The following DNM1L variants were observed in gnomAD, a reference collection of about 807,000 sequenced individuals.
The protein encoded by DNM1L is dynamin-1-like protein.
In DNM1L, 33 loss-of-function variants were observed where a neutral mutation model predicts 92.8. The ratio of observed to expected loss-of-function variants is 0.36; its 90% CI spans 0.27 to 0.48. The LOEUF (loss-of-function observed/expected upper bound fraction) is 0.48. DNM1L is among the 20% of genes least tolerant of loss of function. DNM1L has a pLI of 0.99. For synonymous variants in DNM1L, 284 were observed against 305.0 expected (o/e 0.93, Z 0.72); for missense variants, 485 against 888.8 (o/e 0.55, Z 5.78).
intron 2 of DNM1L, chr12:32,705,931 T>C: frequency 7.1e-7 from 1 of 1,402,088 alleles, no homozygotes; most frequent in Non-Finnish European, 9.7e-7. Context: ...TATGTACTAT[T>C]ACAGGCTGTG....
chr12:32,691,028 A>C (rs1218887442), intron 1 of DNM1L, among the ~76,000 whole-genome samples: 1 of 152,226 alleles, frequency 6.6e-6, no homozygotes, highest in Non-Finnish European at 1.5e-5. Flanking sequence ...AAAATGTCAC[A>C]GACTGGGTAG....
chr12:32,686,236 A>G (rs1952008531), intron 1 of DNM1L, among the ~76,000 whole-genome samples: 1 of 151,904 alleles, frequency 6.6e-6, no homozygotes, highest in South Asian at 2.1e-4. Context: ...TAGTAGAGAC[A>G]GGGTTTCTCC....
intron 18 of DNM1L, among the ~76,000 whole-genome samples, chr12:32,742,111 G>GTT (rs1473399438): frequency 2.0e-5 from 3 of 146,462 alleles, no homozygotes; most frequent in African/African-American, 2.5e-5. Context: ...TGTTGCTTTT[G>GTT]TTTTTTTTTT....
chr12:32,682,732 T>G (rs1344771191), intron 1 of DNM1L, among the ~76,000 whole-genome samples: 1 of 152,192 alleles, frequency 6.6e-6, no homozygotes, highest in East Asian at 1.9e-4. Flanking sequence ...TGTTTTAAAC[T>G]TTGGTTTTAT....
intron 1 of DNM1L, among the ~76,000 whole-genome samples, chr12:32,682,946 G>A (rs1362488577): frequency 6.6e-6 from 1 of 152,190 alleles, no homozygotes; most frequent in Non-Finnish European, 1.5e-5. Flanking sequence ...TTAGACCATG[G>A]TGTAACTTTG....
chr12:32,726,768 C>T, intron 9 of DNM1L: 1 of 616,242 alleles, frequency 1.6e-6, no homozygotes. Context: ...TCCTTTTTTC[C>T]AATCTATCTG....
intron 1 of DNM1L, among the ~76,000 whole-genome samples, chr12:32,699,354 T>G (rs1952605023): frequency 6.6e-6 from 1 of 152,162 alleles, no homozygotes; most frequent in Non-Finnish European, 1.5e-5. Context: ...TTGAAATACT[T>G]ATTATGGATA....
At chr12:32,706,766 A>G (rs745621976) in intron 2 of DNM1L, 1 of 450,628 alleles carries the variant, frequency 2.2e-6, no homozygotes, top group South Asian at 1.6e-5. Context: ...AGCTAGCTCT[A>G]TAATAATGAG....
At chr12:32,679,681 G>A (rs1469387492) in intron 1 of DNM1L, 2 of 1,253,758 alleles carry the variant, frequency 1.6e-6, no homozygotes, top group Non-Finnish European at 2.0e-6. Context: ...CCGGGGCCCG[G>A]CCAGGGGCGG....
chr12:32,712,027 C>CA (rs1953143539), intron 5 of DNM1L, among the ~76,000 whole-genome samples: 2 of 152,290 alleles, frequency 1.3e-5, no homozygotes, highest in Admixed American at 1.3e-4. Flanking sequence ...ATCCAGAACT[C>CA]AATCGTGTTT....
Position 32,713,369 on chromosome 12 carries a change from A to G in DNM1L, c.617A>G (p.Asp206Gly), listed in dbSNP as rs1462914389. ...ALKISREVDP[D>G]GRRTLAVITK... ...AAAATTTCAAGAGAGGTAGATCCAGATGGTAAGGACAGATGTTAATTTAAT... is the reference window on the plus strand; with the variant it reads ...AAAATTTCAAGAGAGGTAGATCCAGGTGGTAAGGACAGATGTTAATTTAAT... The change falls in exon 6 of 20, where the codon GAT (aspartate) becomes GGT (glycine). Residue 206 changes from aspartate (D) to glycine (G), a missense_variant and splice_region_variant. Physicochemically the swap from Asp to Gly is moderately conservative, Grantham distance 94. This residue lies in a region of DNM1L where 159 missense variants were observed against 275.9 expected (regional missense o/e 0.58). Transcript: ENST00000549701. 1.2e-6 allele frequency: 2 copies of G among 1,613,758 alleles called. No homozygotes were observed. Among genetic ancestry groups the G allele is most frequent in the African/African-American group, 1.3e-5 (1 of 74,896 alleles).
intron 16 of DNM1L, among the ~76,000 whole-genome samples, chr12:32,738,674 C>T (rs1955076642): frequency 1.3e-5 from 2 of 152,046 alleles, no homozygotes; most frequent in Non-Finnish European, 2.9e-5. Context: ...AGTTAGTTTG[C>T]ACTTGTTACC....
At chr12:32,736,765 C>T (rs1954910990) in intron 13 of DNM1L, among the ~76,000 whole-genome samples, 1 of 152,126 alleles carries the variant, frequency 6.6e-6, no homozygotes, top group Non-Finnish European at 1.5e-5. Context: ...CCACGTTCCA[C>T]ATTTATGTGA....
chr12:32,691,829 A>T (rs1952246916), intron 1 of DNM1L, among the ~76,000 whole-genome samples: 1 of 152,208 alleles, frequency 6.6e-6, no homozygotes, highest in Non-Finnish European at 1.5e-5. Flanking sequence ...GATAAAAGAC[A>T]AAAGTTCCCC....
chr12:32,702,685 A>AT (rs35211502), intron 2 of DNM1L, among the ~76,000 whole-genome samples: 21,289 of 149,142 alleles, frequency 0.14, 1,520 homozygotes, highest in Middle Eastern at 0.19. Context: ...GATGACTTGA[A>AT]TTTTTTTTTT....
chr12:32,686,615 A>G (rs1952023769), intron 1 of DNM1L, among the ~76,000 whole-genome samples: 1 of 152,156 alleles, frequency 6.6e-6, no homozygotes, highest in Non-Finnish European at 1.5e-5. Flanking sequence ...TTGGTGTACA[A>G]GTATTTGAGT....
At chr12:32,707,170 T>G in intron 2 of DNM1L, 197 bp from the exon 3 acceptor site, 1 of 498,386 alleles carries the variant, frequency 2.0e-6, no homozygotes, top group Non-Finnish European at 3.6e-6. Context: ...CACCATACAA[T>G]TTTTAAAATA....
At chr12:32,696,767 G>C (rs149324052) in intron 1 of DNM1L, among the ~76,000 whole-genome samples, 1,819 of 151,496 alleles carry the variant, frequency 0.012, 31 homozygotes, top group African/African-American at 0.041. Context: ...TGGGATTGCA[G>C]GCATCTGCCA....
chr12:32,732,005 G>C, intron 12 of DNM1L, 62 bp downstream of exon 12: 1 of 1,296,582 alleles, frequency 7.7e-7, no homozygotes, highest in Non-Finnish European at 1.1e-6. Flanking sequence ...TTTTTGCTTG[G>C]CTGCTTTTTA....
Sources: gnomAD v4.1 joint callset for allele counts (sites outside exome capture counted in the v4.1 genomes callset) on GRCh38, gnomAD v4.1.1 for gene constraint, gnomAD v4.1.1 regional missense constraint, MANE v1.5 for transcripts, NCBI Gene and HGNC (gene_info 2026-07-23, HGNC 2026-07-21) for gene names.